The following POU6F2 variants were observed in gnomAD, a reference collection of about 807,000 sequenced individuals.
POU6F2 encodes POU class 6 homeobox 2, also known as POU domain, class 6, transcription factor 2.
POU6F2 carries 31 observed loss-of-function variants against 71.3 expected under a neutral mutation model. That is an observed-to-expected ratio of 0.43 (90% confidence interval 0.33 to 0.59). POU6F2 has a LOEUF of 0.59. POU6F2 is among the 20% of genes least tolerant of loss of function. The pLI, the probability that POU6F2 is intolerant of heterozygous loss-of-function variation, is 0.04. For synonymous variants in POU6F2, 347 were observed against 355.7 expected, an observed-to-expected ratio of 0.98 and a Z score of 0.27; for missense variants, 783 against 856.8, an observed-to-expected ratio of 0.91 and a Z score of 1.07.
At chr7:39,005,776 T>TAA (rs1206581137) in intron 1 of POU6F2, among the ~76,000 whole-genome samples, 1 of 152,170 alleles carries the variant, frequency 6.6e-6, no homozygotes, top group Non-Finnish European at 1.5e-5. Flanking sequence ...TAATTCATAA[T>TAA]AATGCCAAGA....
At chr7:39,165,608 T>C (rs1360759780) in intron 2 of POU6F2, among the ~76,000 whole-genome samples, 1 of 152,110 alleles carries the variant, frequency 6.6e-6, no homozygotes, top group African/African-American at 2.4e-5. Flanking sequence ...TTTCGATAAA[T>C]TAAAAATGAG....
At chr7:39,386,203 G>A (rs1191058360) in intron 5 of POU6F2, among the ~76,000 whole-genome samples, 2 of 151,580 alleles carry the variant, frequency 1.3e-5, no homozygotes, top group African/African-American at 4.8e-5. Context: ...TGCCAGAGAT[G>A]CCAGGCCTGC....
At chr7:39,134,669 T>C (rs1792354232) in intron 2 of POU6F2, among the ~76,000 whole-genome samples, 1 of 152,220 alleles carries the variant, frequency 6.6e-6, no homozygotes, top group Non-Finnish European at 1.5e-5. Context: ...CTAGTCATTC[T>C]CCAATACCCC....
At chr7:39,195,579 C>T (rs1273931654) in intron 2 of POU6F2, among the ~76,000 whole-genome samples, 3 of 151,822 alleles carry the variant, frequency 2.0e-5, no homozygotes, top group Non-Finnish European at 4.4e-5. Flanking sequence ...ACACAGGGAT[C>T]TCTGTTCAGT....
At chr7:39,087,873 A>C (rs1395209105) in intron 2 of POU6F2, among the ~76,000 whole-genome samples, 1 of 152,114 alleles carries the variant, frequency 6.6e-6, no homozygotes, top group Admixed American at 6.6e-5. Context: ...ACTGTTATAG[A>C]TTTGTTATGC....
At chr7:39,077,301 T>A (rs1175801319) in intron 1 of POU6F2, among the ~76,000 whole-genome samples, 1 of 143,340 alleles carries the variant, frequency 7.0e-6, no homozygotes. Flanking sequence ...ATACAGTCAT[T>A]TTAACCTCCT....
intron 5 of POU6F2, among the ~76,000 whole-genome samples, chr7:39,397,966 G>A (rs1787212937): frequency 1.3e-5 from 2 of 151,730 alleles, no homozygotes; most frequent in Admixed American, 6.6e-5. Flanking sequence ...TTACAGGCAT[G>A]TGCCACCATG....
intron 2 of POU6F2, among the ~76,000 whole-genome samples, chr7:39,099,893 G>A (rs891762549): frequency 3.9e-5 from 6 of 152,182 alleles, no homozygotes; most frequent in African/African-American, 1.4e-4. Context: ...ATGATCAGCA[G>A]GGGCTCTGAA....
chr7:39,246,389 C>A (rs1783821214), intron 4 of POU6F2, among the ~76,000 whole-genome samples: 1 of 152,080 alleles, frequency 6.6e-6, no homozygotes, highest in Non-Finnish European at 1.5e-5. Context: ...AGTGTCAGGA[C>A]AGAGAAAATA....
chr7:39,104,013 G>C lies in POU6F2; in HGVS notation c.277+17982G>C, dbSNP rs538615615. The stretch of plus-strand genomic sequence containing the variant: ...GAAGAGTGTTAATGACAAATACTGA[G>C]ATCTACCTTCTGAATGAGCAAAACT... On this transcript the variant is annotated intron_variant, in intron 2 of 9. Transcript: ENST00000518318. 5.9e-5 allele frequency among the ~76,000 whole-genome samples: 9 copies of C among 152,302 alleles called. 1 individual carries two copies. In the South Asian group the frequency reaches 1.2e-3, roughly 21 times the overall value.
rs202037363 is a variant in POU6F2 at position 39,173,446 on chromosome 7, G to A, written c.278-30789G>A. Among the ~76,000 whole-genome samples the A allele has an allele frequency of 1.1e-4, 17 of 152,362 alleles. No homozygotes were observed. The East Asian group carries it at 2.9e-3, about 26-fold the overall frequency. On this transcript the variant is annotated intron_variant, in intron 2 of 9. Transcript: ENST00000518318. ...ATTGGGTAGAGTTGCTGTAGAGTTT[G>A]ATGAGATAATCCACGGAGACAGTGC...
intron 5 of POU6F2, among the ~76,000 whole-genome samples, chr7:39,342,456 G>A (rs1785938634): frequency 1.3e-5 from 2 of 152,182 alleles, no homozygotes; most frequent in African/African-American, 4.8e-5. Flanking sequence ...CTAAATTCAT[G>A]TATGATAGCC....
intron 2 of POU6F2, among the ~76,000 whole-genome samples, chr7:39,125,960 G>T (rs1020067176): frequency 1.2e-4 from 19 of 152,298 alleles, no homozygotes; most frequent in African/African-American, 4.3e-4. Flanking sequence ...ACTCCCACTG[G>T]TTCCAATCTC....
chr7:39,324,635 A>T (rs749952173), intron 4 of POU6F2, among the ~76,000 whole-genome samples: 3 of 152,348 alleles, frequency 2.0e-5, no homozygotes, highest in Non-Finnish European at 4.4e-5. Context: ...ACATTGCAGT[A>T]GACAAAGTAA....
At chr7:39,271,425 A>G (rs1469758232) in intron 4 of POU6F2, among the ~76,000 whole-genome samples, 2 of 149,826 alleles carry the variant, frequency 1.3e-5, no homozygotes, top group Non-Finnish European at 3.0e-5. Context: ...AAAAAGTTCT[A>G]GTTTGGCTTT....
At chr7:39,362,131 G>A (rs963568936) in intron 5 of POU6F2, among the ~76,000 whole-genome samples, 1 of 152,192 alleles carries the variant, frequency 6.6e-6, no homozygotes, top group Non-Finnish European at 1.5e-5. Flanking sequence ...TGCTCTTTCA[G>A]TAAATCTAAA....
At chr7:39,387,219 T>C (rs1786964048) in intron 5 of POU6F2, among the ~76,000 whole-genome samples, 1 of 152,220 alleles carries the variant, frequency 6.6e-6, no homozygotes, top group Non-Finnish European at 1.5e-5. Flanking sequence ...TATTTTATAT[T>C]CCATCGTGCC....
chr7:39,344,667 A>G (rs78265715), intron 5 of POU6F2, among the ~76,000 whole-genome samples: 2,329 of 152,084 alleles, frequency 0.015, 65 homozygotes, highest in African/African-American at 0.054. Flanking sequence ...CCCAGCAATT[A>G]GTCTTAATCG....
chr7:39,049,356 T>C (rs1039164461), intron 1 of POU6F2, among the ~76,000 whole-genome samples: 1 of 152,018 alleles, frequency 6.6e-6, no homozygotes. Flanking sequence ...AAATGCATGA[T>C]ATACATATTT....
Sources: allele counts gnomAD v4.1 joint callset (sites outside exome capture counted in the v4.1 genomes callset), GRCh38; gene constraint gnomAD v4.1.1; transcripts MANE v1.5; gene names NCBI Gene and HGNC (gene_info 2026-07-23, HGNC 2026-07-21).